Variants in C12orf42 observed in about 807,000 individuals in gnomAD.
The protein encoded by C12orf42 is chromosome 12 open reading frame 42.
A neutral mutation model predicts 21.6 loss-of-function variants in C12orf42; 25 were observed. The ratio of observed to expected loss-of-function variants is 1.16; its 90% CI spans 0.84 to 1.62. The LOEUF (loss-of-function observed/expected upper bound fraction) is 1.62, where lower values mean the gene tolerates loss of function less well. Ranked by LOEUF, C12orf42 falls within the 40% of genes most tolerant of loss-of-function variation. The pLI, the probability that C12orf42 is intolerant of heterozygous loss-of-function variation, is 0.00. For missense variants in C12orf42, 483 were observed against 459.3 expected (o/e 1.05, Z -0.47); for synonymous variants, 174 against 175.0 (o/e 0.99, Z 0.05).
the C12orf42 span, among the ~76,000 whole-genome samples, chr12:103,115,273 T>C: frequency 6.6e-6 from 1 of 152,218 alleles, no homozygotes; most frequent in Non-Finnish European, 1.5e-5. Flanking sequence ...ATTGCGACCA[T>C]AAAATAACCT....
At chr12:103,110,915 A>G in the C12orf42 span, among the ~76,000 whole-genome samples, 1 of 152,194 alleles carries the variant, frequency 6.6e-6, no homozygotes, top group East Asian at 1.9e-4. Context: ...TGGTGACACC[A>G]AATGGGTACT....
chr12:103,415,677 C>T (rs1167381215), intron 2 of C12orf42, among the ~76,000 whole-genome samples: 4 of 152,130 alleles, frequency 2.6e-5, no homozygotes, highest in African/African-American at 9.6e-5. Context: ...GCCATGACCG[C>T]CTGAGACTCA....
intron 3 of C12orf42, among the ~76,000 whole-genome samples, chr12:103,389,720 T>C (rs2046910129): frequency 6.6e-6 from 1 of 152,174 alleles, no homozygotes; most frequent in African/African-American, 2.4e-5. Context: ...GGGTAGAAGG[T>C]CACAGGGGCA....
chr12:103,444,444 T>A (rs1014345643), intron 2 of C12orf42, among the ~76,000 whole-genome samples: 1 of 152,130 alleles, frequency 6.6e-6, no homozygotes, highest in African/African-American at 2.4e-5. Flanking sequence ...TAATACCGAC[T>A]TTTTGAAATG....
the C12orf42 span, among the ~76,000 whole-genome samples, chr12:103,528,015 A>G: frequency 6.6e-6 from 1 of 152,224 alleles, no homozygotes; most frequent in African/African-American, 2.4e-5. Context: ...GGCAGCTATC[A>G]TATTTTCTAT....
the C12orf42 span, among the ~76,000 whole-genome samples, chr12:103,517,599 AT>A: frequency 4.8e-3 from 735 of 151,738 alleles, 5 homozygotes; most frequent in African/African-American, 0.017. Flanking sequence ...TTCTTTTCTG[AT>A]TTTTTTTTAT....
intron 2 of C12orf42, among the ~76,000 whole-genome samples, chr12:103,415,510 G>T (rs2049235826): frequency 6.6e-6 from 1 of 152,138 alleles, no homozygotes. Flanking sequence ...CATATTCTAA[G>T]ATCAGCCACA....
the C12orf42 span, among the ~76,000 whole-genome samples, chr12:103,511,102 G>A: frequency 6.6e-6 from 1 of 152,158 alleles, no homozygotes; most frequent in Non-Finnish European, 1.5e-5. Context: ...AAGAAAAAAT[G>A]GAGGAGAAGA....
At chr12:103,497,074 A>T (rs1364954136), upstream of C12orf42, among the ~76,000 whole-genome samples, 1 of 152,246 alleles carries the variant, frequency 6.6e-6, no homozygotes, top group Admixed American at 6.5e-5. Flanking sequence ...ACCATGAATC[A>T]GGCTAATTTT....
At chr12:103,511,403 C>T in the C12orf42 span, among the ~76,000 whole-genome samples, 25 of 150,576 alleles carry the variant, frequency 1.7e-4, no homozygotes, top group African/African-American at 5.8e-4. Context: ...AATATAATTA[C>T]AGCATAAAAT....
At chr12:103,559,365 C>G in the C12orf42 span, 9 of 152,378 alleles carry the variant, frequency 5.9e-5, no homozygotes, top group Non-Finnish European at 1.2e-4. Context: ...GAGGAGGACA[C>G]CTGGAAACTT....
the C12orf42 span, among the ~76,000 whole-genome samples, chr12:103,212,779 A>C: frequency 6.6e-6 from 1 of 152,064 alleles, no homozygotes; most frequent in Admixed American, 6.6e-5. Context: ...CCCTAAAAAA[A>C]CACTTGTCCT....
At chr12:103,224,039 G>T in the C12orf42 span, among the ~76,000 whole-genome samples, 10 of 152,126 alleles carry the variant, frequency 6.6e-5, no homozygotes, top group Non-Finnish European at 1.3e-4. Flanking sequence ...GAGGTGGGAA[G>T]GCTAAACTGA....
intron 4 of C12orf42, among the ~76,000 whole-genome samples, chr12:103,322,562 A>T (rs966281975): frequency 6.6e-6 from 1 of 152,042 alleles, no homozygotes; most frequent in Non-Finnish European, 1.5e-5. Flanking sequence ...CCTGAGGCCA[A>T]CCTCACCCCA....
chr12:103,091,865 G>A, the C12orf42 span, among the ~76,000 whole-genome samples: 2 of 152,058 alleles, frequency 1.3e-5, no homozygotes, highest in African/African-American at 2.4e-5. Context: ...TCCTCACCAC[G>A]AGGAAAAGTC....
chr12:103,426,376 CTT>C (rs1949812051), intron 2 of C12orf42, among the ~76,000 whole-genome samples: 2 of 152,018 alleles, frequency 1.3e-5, no homozygotes, highest in African/African-American at 4.8e-5. Flanking sequence ...AGAAGATAGA[CTT>C]AATGAAATAA....
chr12:103,069,531 G>T, the C12orf42 span, among the ~76,000 whole-genome samples: 2 of 152,096 alleles, frequency 1.3e-5, no homozygotes, highest in Non-Finnish European at 2.9e-5. Context: ...ATATTTTATG[G>T]CATTTATTAA....
chr12:103,506,343 C>A, the C12orf42 span, among the ~76,000 whole-genome samples: 167 of 127,544 alleles, frequency 1.3e-3, no homozygotes, highest in Non-Finnish European at 1.8e-3. Context: ...AAAAAAAAAA[C>A]CAGTGCAGTC....
At chr12:103,071,826 C>A in the C12orf42 span, among the ~76,000 whole-genome samples, 2 of 152,098 alleles carry the variant, frequency 1.3e-5, no homozygotes, top group African/African-American at 4.8e-5. Context: ...TGAGGACAGA[C>A]TAATACAGAC....
Sources: allele counts gnomAD v4.1 joint callset (sites outside exome capture counted in the v4.1 genomes callset), GRCh38; gene constraint gnomAD v4.1.1; transcripts MANE v1.5; gene names NCBI Gene and HGNC (gene_info 2026-07-23, HGNC 2026-07-21).